Variants in TNFAIP8L3 observed in about 807,000 individuals in gnomAD.
The protein encoded by TNFAIP8L3 is tumor necrosis factor alpha-induced protein 8-like protein 3.
In TNFAIP8L3, 7 loss-of-function variants were observed where a neutral mutation model predicts 11.8. The observed-to-expected ratio is 0.59, with a 90% CI of 0.34 to 1.11. The LOEUF (loss-of-function observed/expected upper bound fraction) is 1.11. Among genes scored for constraint, TNFAIP8L3 ranks in the 50% most tolerant of loss-of-function variants. TNFAIP8L3 has a pLI of 0.03. For missense variants in TNFAIP8L3, 219 were observed against 258.6 expected (o/e 0.85, Z 1.05); for synonymous variants, 98 against 103.8 (o/e 0.94, Z 0.34).
intron 1 of TNFAIP8L3, among the ~76,000 whole-genome samples, chr15:51,086,938 G>A (rs2065432615): frequency 1.3e-5 from 2 of 151,732 alleles, no homozygotes; most frequent in Admixed American, 6.6e-5. Flanking sequence ...GCCCAGGCTG[G>A]AGTGCAGTGG....
upstream of TNFAIP8L3, among the ~76,000 whole-genome samples, chr15:51,098,468 C>T (rs2065528540): frequency 6.6e-6 from 1 of 152,172 alleles, no homozygotes; most frequent in Non-Finnish European, 1.5e-5. Context: ...GCTGAGGGGG[C>T]CTCCATGGGA....
intron 1 of TNFAIP8L3, among the ~76,000 whole-genome samples, chr15:51,081,642 CAT>C (rs1362165050): frequency 6.6e-6 from 1 of 152,204 alleles, no homozygotes; most frequent in Non-Finnish European, 1.5e-5. Flanking sequence ...CTACTTTTTA[CAT>C]AGTTTGTTTT....
Position 51,094,639 on chromosome 15 carries a change from GC to G in TNFAIP8L3, c.-45del. On this transcript the variant is annotated 5_prime_UTR_variant, in exon 1 of 2. Coordinates refer to ENST00000637513, the MANE Select transcript of TNFAIP8L3 (RefSeq NM_001311175.2). This position sits in a 1 kb window ranked among gnomAD's most constrained non-coding sequence, Gnocchi z 4.4. The stretch of plus-strand genomic sequence containing the variant: ...GGCGTCCACGGCCACCCGCCCGTCT[GC>G]GGGGCGCTCGGGCAGCCGCGGCGCA... The G allele has an allele frequency of 7.1e-7, 1 of 1,411,316 alleles. No individual in the cohort carries two copies. The allele number at this position is 1,411,316 out of a possible 1,614,324, so 87.4% of individuals were successfully genotyped here.
At chr15:51,089,753 C>T (rs2065454072) in intron 1 of TNFAIP8L3, among the ~76,000 whole-genome samples, 2 of 152,300 alleles carry the variant, frequency 1.3e-5, no homozygotes, top group South Asian at 2.1e-4. Flanking sequence ...CTTACTATGT[C>T]CATAAAATCC....
intron 1 of TNFAIP8L3, among the ~76,000 whole-genome samples, chr15:51,093,501 G>A (rs998730134): frequency 6.6e-6 from 1 of 152,218 alleles, no homozygotes; most frequent in Admixed American, 6.5e-5. Context: ...CTACACCCAC[G>A]GCTGGACTGA....
intron 1 of TNFAIP8L3, among the ~76,000 whole-genome samples, chr15:51,071,109 CAT>C: frequency 8.0e-6 from 1 of 124,480 alleles, no homozygotes; most frequent in Middle Eastern, 4.3e-3. Flanking sequence ...GTGTTTCAAA[CAT>C]ATAAATAGAT....
intron 1 of TNFAIP8L3, among the ~76,000 whole-genome samples, chr15:51,083,285 T>G (rs1666651037): frequency 6.6e-6 from 1 of 152,162 alleles, no homozygotes; most frequent in Non-Finnish European, 1.5e-5. Context: ...AATAATAAAT[T>G]TTTTTGGAAC....
rs1411463212 is a variant in TNFAIP8L3 at position 51,094,777 on chromosome 15, G to T, written c.-182C>A. 4 of 867,240 alleles carry T rather than the reference G, an allele frequency of 4.6e-6. No individual in the cohort carries two copies. In the African/African-American group the frequency reaches 5.5e-5, roughly 12 times the overall value. The allele number at this position is 867,240 out of a possible 1,614,324, so 53.7% of individuals were successfully genotyped here. ...GCTCCGCAGAGGCGAGCGCCGCCGC[G>T]CCCCGCTCCCCGCGCCCGCCGGCCG... On this transcript the variant is annotated 5_prime_UTR_variant, in exon 1 of 2. Coordinates refer to ENST00000637513, the MANE Select transcript of TNFAIP8L3 (RefSeq NM_001311175.2). The surrounding 1 kb of genome is among the most constrained non-coding windows in gnomAD (Gnocchi z 4.4).
chr15:51,090,163 C>G (rs902789867), intron 1 of TNFAIP8L3, among the ~76,000 whole-genome samples: 1 of 152,218 alleles, frequency 6.6e-6, no homozygotes, highest in African/African-American at 2.4e-5. Context: ...TCCTGCATTT[C>G]CCTGCCTCCA....
At chr15:51,069,138 C>T (rs748744754) in intron 1 of TNFAIP8L3, among the ~76,000 whole-genome samples, 15 of 152,170 alleles carry the variant, frequency 9.9e-5, no homozygotes, top group Non-Finnish European at 2.2e-4. Flanking sequence ...CCCCCTCTGC[C>T]GTGTGACCAG....
At position 51,094,502 on chromosome 15, in the gene TNFAIP8L3, A is replaced by G. The variant is rs749367484; in HGVS notation, c.52+42T>C. 1.4e-6 allele frequency: 2 copies of G among 1,416,332 alleles called. No individual in the cohort carries two copies. The highest frequency in any genetic ancestry group is 2.7e-5 in the South Asian group (2 of 75,174). The allele number at this position is 1,416,332 out of a possible 1,614,324, so 87.7% of individuals were successfully genotyped here. On this transcript the variant is annotated intron_variant, in intron 1 of 1. Coordinates refer to ENST00000637513, the MANE Select transcript of TNFAIP8L3 (RefSeq NM_001311175.2). The surrounding 1 kb of genome is among the most constrained non-coding windows in gnomAD (Gnocchi z 4.4). ...CATGCCCCAGCCTCCCGTCCTCCCC[A>G]GCCCCAGCCCACCCGCCTGGGCCGT...
chr15:51,076,850 C>T (rs980550040), intron 1 of TNFAIP8L3, among the ~76,000 whole-genome samples: 1 of 152,170 alleles, frequency 6.6e-6, no homozygotes, highest in East Asian at 1.9e-4. Flanking sequence ...GAAGATTCTG[C>T]TAATTTGCTT....
At chr15:51,086,765 T>C (rs927087781) in intron 1 of TNFAIP8L3, among the ~76,000 whole-genome samples, 3 of 152,206 alleles carry the variant, frequency 2.0e-5, no homozygotes, top group Non-Finnish European at 4.4e-5. Flanking sequence ...TGTAAGTGCT[T>C]AATTAATATA....
chr15:51,073,612 T>A (rs1312923935), intron 1 of TNFAIP8L3, among the ~76,000 whole-genome samples: 1 of 152,232 alleles, frequency 6.6e-6, no homozygotes, highest in African/African-American at 2.4e-5. Context: ...TTGGACTTTT[T>A]AATGTAGACA....
At chr15:51,088,526 G>A (rs1357138484) in intron 1 of TNFAIP8L3, among the ~76,000 whole-genome samples, 1 of 152,120 alleles carries the variant, frequency 6.6e-6, no homozygotes, top group African/African-American at 2.4e-5. Flanking sequence ...ATGCATTTCT[G>A]TATACTATCA....
intron 1 of TNFAIP8L3, among the ~76,000 whole-genome samples, chr15:51,082,194 C>T (rs2065397439): frequency 6.6e-6 from 1 of 152,082 alleles, no homozygotes; most frequent in South Asian, 2.1e-4. Flanking sequence ...TGTACTTATA[C>T]AAACCTAGAT....
intron 1 of TNFAIP8L3, among the ~76,000 whole-genome samples, chr15:51,063,728 A>G (rs2065253708): frequency 6.6e-6 from 1 of 152,228 alleles, no homozygotes; most frequent in African/African-American, 2.4e-5. Flanking sequence ...TGCTCTGAAT[A>G]TGATCCTGCA....
intron 1 of TNFAIP8L3, among the ~76,000 whole-genome samples, chr15:51,076,014 TG>T (rs2065346529): frequency 6.6e-6 from 1 of 152,182 alleles, no homozygotes; most frequent in African/African-American, 2.4e-5. Context: ...GTGTTCTACT[TG>T]ATTTTTTTTT....
At chr15:51,086,214 C>A (rs933920405) in intron 1 of TNFAIP8L3, among the ~76,000 whole-genome samples, 1 of 152,220 alleles carries the variant, frequency 6.6e-6, no homozygotes, top group Non-Finnish European at 1.5e-5. Context: ...TTCAAACCTT[C>A]TTCTCTCCTC....
Sources: gnomAD v4.1 joint callset for allele counts (sites outside exome capture counted in the v4.1 genomes callset) on GRCh38, gnomAD v4.1.1 for gene constraint, Gnocchi (gnomAD v3.1) non-coding constraint, MANE v1.5 for transcripts, NCBI Gene and HGNC (gene_info 2026-07-23, HGNC 2026-07-21) for gene names.